COL25A1: variants seen among roughly 807,000 people sequenced by gnomAD.
COL25A1 encodes the protein collagen alpha-1(XXV) chain.
COL25A1 carries 103 observed loss-of-function variants against 128.4 expected under a neutral mutation model. That is an observed-to-expected ratio of 0.80 (90% CI 0.68 to 0.94). The LOEUF (loss-of-function observed/expected upper bound fraction) is 0.94. Ranked by LOEUF, COL25A1 falls within the 40% of genes least tolerant of loss-of-function variation. The probability of loss-of-function intolerance (pLI) is 0.00; values close to 1 mark genes in which losing one functional copy is unlikely to be tolerated. For missense variants in COL25A1, 745 were observed against 840.0 expected, an observed-to-expected ratio of 0.89 and a Z score of 1.40; for synonymous variants, 279 against 277.2, an observed-to-expected ratio of 1.01 and a Z score of -0.06.
At chr4:109,017,646 CAGAT>C (rs931218966) in intron 5 of COL25A1, among the ~76,000 whole-genome samples, 3 of 152,160 alleles carry the variant, frequency 2.0e-5, no homozygotes, top group African/African-American at 7.2e-5. Context: ...AACACACTCA[CAGAT>C]AGGCACAGAA....
intron 5 of COL25A1, among the ~76,000 whole-genome samples, chr4:109,046,570 A>G (rs1760452967): frequency 6.6e-6 from 1 of 152,226 alleles, no homozygotes; most frequent in African/African-American, 2.4e-5. Context: ...AGACTTAAGT[A>G]TGAAGCCAAA....
intron 13 of COL25A1, among the ~76,000 whole-genome samples, chr4:108,913,566 C>T (rs978934983): frequency 6.6e-6 from 1 of 152,082 alleles, no homozygotes; most frequent in Non-Finnish European, 1.5e-5. Flanking sequence ...CCTCCAGCTC[C>T]TCTTTCATGG....
chr4:109,042,719 A>C (rs1225230575), intron 5 of COL25A1, among the ~76,000 whole-genome samples: 2 of 152,102 alleles, frequency 1.3e-5, no homozygotes, highest in Non-Finnish European at 2.9e-5. Flanking sequence ...GGAGTAATTA[A>C]AGGAATATTT....
intron 3 of COL25A1, among the ~76,000 whole-genome samples, chr4:109,067,256 C>T (rs1762524684): frequency 1.3e-5 from 2 of 152,054 alleles, no homozygotes; most frequent in African/African-American, 4.8e-5. Flanking sequence ...AAAATATCAA[C>T]ATTAAGAAAA....
intron 3 of COL25A1, among the ~76,000 whole-genome samples, chr4:109,281,500 C>T (rs920099196): frequency 2.0e-5 from 3 of 151,382 alleles, no homozygotes; most frequent in Non-Finnish European, 4.4e-5. Context: ...ACATTTTAGG[C>T]TCCTTTTTAA....
intron 8 of COL25A1, among the ~76,000 whole-genome samples, chr4:108,969,075 G>T (rs1241042680): frequency 6.6e-6 from 1 of 152,118 alleles, no homozygotes; most frequent in Non-Finnish European, 1.5e-5. Context: ...ACTTGTTCAA[G>T]TGTCCTCAAG....
intron 3 of COL25A1, among the ~76,000 whole-genome samples, chr4:109,276,511 G>A (rs999485509): frequency 1.3e-5 from 2 of 152,020 alleles, no homozygotes; most frequent in East Asian, 1.9e-4. Context: ...TCTTTGGGGG[G>A]AAATCTTACA....
At chr4:108,858,439 C>T (rs9995265) in intron 24 of COL25A1, among the ~76,000 whole-genome samples, 60,286 of 151,840 alleles carry the variant, frequency 0.4, 13,361 homozygotes, top group African/African-American at 0.61. Flanking sequence ...CTTGGTGAGA[C>T]AGAATAAGTA....
chr4:108,813,491 G>A lies in COL25A1; in HGVS notation c.*436C>T, dbSNP rs114772925. The A allele has an allele frequency of 4.4e-3, 688 of 157,220 alleles. 2 individuals are homozygous for A. Among genetic ancestry groups the A allele is most frequent in the Non-Finnish European group, 7.7e-3 (547 of 71,250 alleles). 9.7% of individuals were successfully genotyped at this position (157,220 alleles called of 1,614,324 possible). A position where few individuals can be genotyped will look rare whatever the true frequency, so the allele number is the denominator to read the frequency against. On this transcript the variant is annotated 3_prime_UTR_variant, in exon 38 of 38. Coordinates refer to ENST00000399132, the MANE Select transcript of COL25A1 (RefSeq NM_198721.4). ...ATGAGTCAACGCCGACATGAAAGGT[G>A]AATGGGAATGTGATAATCAGCTCTA...
chr4:108,841,776 A>T, intron 30 of COL25A1, 55 bp from the exon 31 acceptor site: 1 of 1,341,438 alleles, frequency 7.5e-7, no homozygotes, highest in Non-Finnish European at 1.1e-6. Flanking sequence ...TTTCCCAGCA[A>T]GAGTGAATAT....
intron 6 of COL25A1, among the ~76,000 whole-genome samples, chr4:108,984,442 C>T (rs186858660): frequency 2.0e-5 from 3 of 151,798 alleles, no homozygotes; most frequent in African/African-American, 4.8e-5. Context: ...AGAGCGGGGG[C>T]GGCGCTCATT....
In COL25A1 at chr4:108,940,659, AG is replaced by A; in HGVS notation, c.565-14del. On this transcript the variant is annotated splice_polypyrimidine_tract_variant and intron_variant, in intron 9 of 37. Coordinates refer to ENST00000399132, the MANE Select transcript of COL25A1 (RefSeq NM_198721.4). Reference sequence around the variant, plus strand: ...GTCCTTGGTCACCCTGTGATGGAGAAGGGAACAGACCAGCAATAACCATGAA... The same window carrying A: ...GTCCTTGGTCACCCTGTGATGGAGAAGGAACAGACCAGCAATAACCATGAA... The A allele has an allele frequency of 1.9e-6, 3 of 1,542,950 alleles. No homozygotes were observed. In the South Asian group the frequency reaches 3.6e-5, roughly 19 times the overall value.
In COL25A1 at chr4:109,078,620, C is replaced by T. The variant is rs184165484; in HGVS notation, c.368-28441G>A. 2.5e-3 allele frequency among the ~76,000 whole-genome samples: 376 copies of T among 149,530 alleles called. 2 individuals are homozygous for T. The highest frequency in any genetic ancestry group is 8.8e-3 in the African/African-American group (356 of 40,406). On this transcript the variant is annotated intron_variant, in intron 3 of 37. Transcript: ENST00000399132. ...AATATAGAAAAAAAGACACTATTTA[C>T]ACAAAAGCCCATCCAAATGTTTAAA...
At position 108,825,055 on chromosome 4, in the gene COL25A1, T is replaced by C. The variant is rs148741795; in HGVS notation, c.1791+141A>G. 3.6e-4 allele frequency: 211 copies of C among 588,062 alleles called. 1 individual carries two copies. The East Asian group carries it at 5.9e-3, about 17-fold the overall frequency. 36.4% of individuals were successfully genotyped at this position (588,062 alleles called of 1,614,324 possible). ...CATGCAAACACTAGTGTATTTTATA[T>C]TGCTGTTTACATGCACAGCAATATA... On this transcript the variant is annotated intron_variant, in intron 34 of 37. Coordinates refer to ENST00000399132, the MANE Select transcript of COL25A1 (RefSeq NM_198721.4).
chr4:109,110,015 C>A (rs1247402043), intron 3 of COL25A1, among the ~76,000 whole-genome samples: 1 of 152,120 alleles, frequency 6.6e-6, no homozygotes, highest in East Asian at 1.9e-4. Flanking sequence ...CACAAAAATA[C>A]AAACACCAGG....
intron 27 of COL25A1, among the ~76,000 whole-genome samples, chr4:108,847,418 C>G (rs1313551904): frequency 6.6e-6 from 1 of 151,964 alleles, no homozygotes; most frequent in Non-Finnish European, 1.5e-5. Flanking sequence ...TTCTTGTTAA[C>G]TGTTCCTATT....
chr4:108,838,039 T>C (rs1324426627), intron 31 of COL25A1: 7 of 1,174,540 alleles, frequency 6.0e-6, no homozygotes, highest in Non-Finnish European at 6.2e-6. Flanking sequence ...AGAGTTATCA[T>C]GTAGGGTAGA....
chr4:108,886,442 TTGTGTGTGTGTGTG>T (rs375825376), intron 18 of COL25A1, among the ~76,000 whole-genome samples: 2 of 81,376 alleles, frequency 2.5e-5, no homozygotes, highest in African/African-American at 4.7e-5. Flanking sequence ...CTATGAGATT[TTGTGTGTGTGTGTG>T]TGTGTGTGTG....
At chr4:108,949,860 G>C (rs1292051402) in intron 8 of COL25A1, among the ~76,000 whole-genome samples, 1 of 152,108 alleles carries the variant, frequency 6.6e-6, no homozygotes, top group Non-Finnish European at 1.5e-5. Context: ...ATTTTTCATA[G>C]TCTATGAATT....
Sources: gnomAD v4.1 joint callset for allele counts (sites outside exome capture counted in the v4.1 genomes callset) on GRCh38, gnomAD v4.1.1 for gene constraint, MANE v1.5 for transcripts, NCBI Gene and HGNC (gene_info 2026-07-23, HGNC 2026-07-21) for gene names.